The following KGD4 variants were observed in gnomAD, a reference collection of about 807,000 sequenced individuals.
The protein encoded by KGD4 is alpha-ketoglutarate dehydrogenase subunit 4, also known as alpha-ketoglutarate dehydrogenase component 4.
the KGD4 span, chr5:69,217,802 C>A: frequency 6.2e-7 from 1 of 1,613,522 alleles, no homozygotes; most frequent in African/African-American, 1.3e-5. Flanking sequence ...CTCGCTCGCG[C>A]CCCGGAAACT....
the KGD4 span, chr5:69,226,221 ATAATT>A: frequency 2.9e-6 from 2 of 691,540 alleles, no homozygotes; most frequent in Non-Finnish European, 5.0e-6. Context: ...GGGGAAGAGT[ATAATT>A]TAAAGTTGCT....
chr5:69,221,318 G>A, the KGD4 span, among the ~76,000 whole-genome samples: 1 of 152,104 alleles, frequency 6.6e-6, no homozygotes, highest in African/African-American at 2.4e-5. Context: ...AGTGAACCAC[G>A]ATCACTCCAC....
chr5:69,218,034 A>C, the KGD4 span: 5 of 1,152,004 alleles, frequency 4.3e-6, no homozygotes, highest in African/African-American at 1.5e-5. Context: ...TGGGACTTTG[A>C]GCCTGTTGGA....
the KGD4 span, chr5:69,229,263 G>A: frequency 1.9e-6 from 3 of 1,588,384 alleles, no homozygotes; most frequent in Non-Finnish European, 2.6e-6. Context: ...CAATAGAATT[G>A]TCTTTACAAT....
At chr5:69,218,131 C>T in the KGD4 span, 5 of 534,892 alleles carry the variant, frequency 9.3e-6, no homozygotes, top group African/African-American at 1.0e-4. Flanking sequence ...GTACCTACTG[C>T]CGGGATCCCC....
At chr5:69,222,563 A>G in the KGD4 span, among the ~76,000 whole-genome samples, 1 of 152,180 alleles carries the variant, frequency 6.6e-6, no homozygotes. Context: ...ACATTTTTCA[A>G]ACTTCTTTTT....
the KGD4 span, among the ~76,000 whole-genome samples, chr5:69,218,747 T>C: frequency 2.0e-5 from 3 of 152,210 alleles, no homozygotes; most frequent in Non-Finnish European, 4.4e-5. Context: ...ATATGAGAAG[T>C]ACATTCCGCT....
At chr5:69,223,224 G>A in the KGD4 span, among the ~76,000 whole-genome samples, 2 of 151,598 alleles carry the variant, frequency 1.3e-5, no homozygotes, top group Non-Finnish European at 2.9e-5. Flanking sequence ...GACTACAGGT[G>A]TGTGCCACCA....
chr5:69,228,675 T>TAAGGACAGG, the KGD4 span, among the ~76,000 whole-genome samples: 1 of 152,160 alleles, frequency 6.6e-6, no homozygotes, highest in Admixed American at 6.6e-5. Context: ...CCAAGAAATT[T>TAAGGACAGG]AAGGACAGGT....
At chr5:69,225,261 CA>C in the KGD4 span, among the ~76,000 whole-genome samples, 6 of 116,744 alleles carry the variant, frequency 5.1e-5, no homozygotes, top group Non-Finnish European at 6.9e-5. Context: ...CATAGCACCA[CA>C]TTTTTTTTTT....
chr5:69,224,803 G>A, the KGD4 span, among the ~76,000 whole-genome samples: 5 of 152,014 alleles, frequency 3.3e-5, no homozygotes, highest in African/African-American at 4.8e-5. Context: ...TGCCGGGTGC[G>A]GTGGCTCACA....
At chr5:69,223,602 G>A in the KGD4 span, among the ~76,000 whole-genome samples, 17 of 90,520 alleles carry the variant, frequency 1.9e-4, no homozygotes, top group Non-Finnish European at 3.4e-4. Context: ...GCAATTTATA[G>A]ATTAGTTGAA....
chr5:69,223,082 T>A, the KGD4 span, among the ~76,000 whole-genome samples: 1 of 131,178 alleles, frequency 7.6e-6, no homozygotes, highest in Non-Finnish European at 1.6e-5. Context: ...AGCTTTTTTT[T>A]TTTTTTTTTT....
chr5:69,223,470 T>G, the KGD4 span, among the ~76,000 whole-genome samples: 1 of 152,176 alleles, frequency 6.6e-6, no homozygotes, highest in South Asian at 2.1e-4. Flanking sequence ...AGAATTACAG[T>G]GGTGAATTTT....
the KGD4 span, chr5:69,228,407 C>T: frequency 2.5e-6 from 4 of 1,576,778 alleles, no homozygotes; most frequent in Non-Finnish European, 3.4e-6. Context: ...TGCTCTTTAT[C>T]CCAAGACTAC....
the KGD4 span, among the ~76,000 whole-genome samples, chr5:69,220,981 G>A: frequency 2.6e-5 from 4 of 152,124 alleles, no homozygotes; most frequent in Non-Finnish European, 5.9e-5. Flanking sequence ...ATGCTTGAAG[G>A]CAGCATGCTC....
chr5:69,221,481 G>A, the KGD4 span, among the ~76,000 whole-genome samples: 1 of 152,142 alleles, frequency 6.6e-6, no homozygotes, highest in African/African-American at 2.4e-5. Context: ...TAAAAATAAA[G>A]AGATAGTCAA....
chr5:69,219,184 G>T, the KGD4 span, among the ~76,000 whole-genome samples: 1 of 152,152 alleles, frequency 6.6e-6, no homozygotes, highest in Admixed American at 6.5e-5. Flanking sequence ...CAATATTGCT[G>T]GTGGGAATAT....
chr5:69,226,395 C>T, the KGD4 span: 1 of 1,598,258 alleles, frequency 6.3e-7, no homozygotes, highest in Non-Finnish European at 8.6e-7. Flanking sequence ...CAATCCTAAA[C>T]CCAATGGTGA....
Sources: allele counts gnomAD v4.1 joint callset (sites outside exome capture counted in the v4.1 genomes callset), GRCh38; gene constraint gnomAD v4.1.1; transcripts MANE v1.5; gene names NCBI Gene and HGNC (gene_info 2026-07-23, HGNC 2026-07-21).